ST6GALNAC5: variants seen among roughly 807,000 people sequenced by gnomAD.
ST6GALNAC5 encodes alpha-N-acetylgalactosaminide alpha-2,6-sialyltransferase 5.
In ST6GALNAC5, 27 loss-of-function variants were observed where a neutral mutation model predicts 33.6. The observed-to-expected ratio is 0.80, with a 90% CI of 0.59 to 1.11. The LOEUF (loss-of-function observed/expected upper bound fraction) is 1.11. Ranked by LOEUF, ST6GALNAC5 falls within the 50% of genes least tolerant of loss-of-function variation. The pLI is 0.00. For missense variants in ST6GALNAC5, 428 were observed against 454.0 expected (o/e 0.94, Z 0.52); for synonymous variants, 194 against 171.2 (o/e 1.13, Z -1.04).
chr1:77,022,354 T>C (rs1176766724), intron 2 of ST6GALNAC5, among the ~76,000 whole-genome samples: 2 of 152,176 alleles, frequency 1.3e-5, no homozygotes, highest in Non-Finnish European at 2.9e-5. Context: ...AAGTATTTTG[T>C]GAAAAGTTTT....
intron 2 of ST6GALNAC5, among the ~76,000 whole-genome samples, chr1:76,885,238 G>A (rs775591306): frequency 7.9e-5 from 12 of 151,926 alleles, no homozygotes; most frequent in Non-Finnish European, 1.2e-4. Context: ...ATAACATGTC[G>A]AAAAGAAATA....
chr1:76,870,274 T>C (rs1234883521), intron 2 of ST6GALNAC5, among the ~76,000 whole-genome samples: 1 of 152,208 alleles, frequency 6.6e-6, no homozygotes, highest in Non-Finnish European at 1.5e-5. Flanking sequence ...TGACTGTAGA[T>C]GGCTGTGGTG....
intron 2 of ST6GALNAC5, among the ~76,000 whole-genome samples, chr1:76,896,508 G>A (rs1327447894): frequency 6.6e-6 from 1 of 152,186 alleles, no homozygotes. Context: ...TTGGTGGTGT[G>A]TGGCGATTAG....
intron 2 of ST6GALNAC5, among the ~76,000 whole-genome samples, chr1:76,974,081 A>G (rs1401852952): frequency 6.6e-6 from 1 of 152,126 alleles, no homozygotes; most frequent in Non-Finnish European, 1.5e-5. Flanking sequence ...GCCATGTGCC[A>G]TACTGGTGTT....
Position 77,063,012 on chromosome 1 carries a change from GA to G in ST6GALNAC5, c.819del (p.Glu273AspfsTer55). 9.3e-6 allele frequency: 15 copies of G among 1,613,770 alleles called. No individual in the cohort carries two copies. The highest frequency in any genetic ancestry group is 1.3e-5 in the Non-Finnish European group (15 of 1,179,850). Reference protein sequence around the residue: ...NHPSVPYHYYEPFGPDECTMY... With the variant: ...NHPSVPYHYYXPFGPDECTMY... ...CCCTTCAGTACCTTATCATTATTAT[GA>G]ACCTTTTGGACCTGATGAATGTACA... On this transcript the variant is annotated frameshift_variant, in exon 5 of 5. Transcript: ENST00000477717. LOFTEE classifies it high-confidence loss of function.
At chr1:76,909,992 T>C (rs1483181338) in intron 2 of ST6GALNAC5, among the ~76,000 whole-genome samples, 1 of 152,058 alleles carries the variant, frequency 6.6e-6, no homozygotes, top group African/African-American at 2.4e-5. Context: ...ATAATATGCT[T>C]AGGAAAGTCA....
chr1:76,998,225 A>G (rs1206470048), intron 2 of ST6GALNAC5, among the ~76,000 whole-genome samples: 3 of 152,044 alleles, frequency 2.0e-5, no homozygotes, highest in Admixed American at 6.6e-5. Flanking sequence ...CTGAAAACAT[A>G]CCCAAAAAAT....
At position 77,043,288 on chromosome 1, in the gene ST6GALNAC5, G is replaced by A. The variant is rs117409299; in HGVS notation, c.262-916G>A. ...AATATTGCTCATTAAACATGAACACGGGAATGTTTAATTTGTTAGGACGTA... is the reference window on the plus strand; with the variant it reads ...AATATTGCTCATTAAACATGAACACAGGAATGTTTAATTTGTTAGGACGTA... On this transcript the variant is annotated intron_variant, in intron 2 of 4. Coordinates refer to ENST00000477717, the MANE Select transcript of ST6GALNAC5 (RefSeq NM_030965.3). 1.4e-4 allele frequency among the ~76,000 whole-genome samples: 21 copies of A among 152,298 alleles called. No individual in the cohort carries two copies. In the East Asian group the frequency reaches 3.7e-3, roughly 27 times the overall value.
chr1:76,875,687 T>C (rs1467568024), intron 2 of ST6GALNAC5, among the ~76,000 whole-genome samples: 1 of 152,146 alleles, frequency 6.6e-6, no homozygotes, highest in Non-Finnish European at 1.5e-5. Context: ...CTAGGGGTGA[T>C]GGTGAGTGGT....
chr1:76,875,243 G>T (rs899469552), intron 2 of ST6GALNAC5, among the ~76,000 whole-genome samples: 4 of 151,966 alleles, frequency 2.6e-5, no homozygotes, highest in African/African-American at 7.3e-5. Flanking sequence ...GCAGGTCATG[G>T]TTTTTTTTCC....
At chr1:77,029,565 A>G (rs1651373536) in intron 2 of ST6GALNAC5, among the ~76,000 whole-genome samples, 1 of 152,184 alleles carries the variant, frequency 6.6e-6, no homozygotes, top group Non-Finnish European at 1.5e-5. Context: ...CTCTCCCTAG[A>G]GGCATGGGGA....
At chr1:76,980,579 CA>C (rs1452608013) in intron 2 of ST6GALNAC5, among the ~76,000 whole-genome samples, 12 of 151,982 alleles carry the variant, frequency 7.9e-5, no homozygotes, top group African/African-American at 2.9e-4. Flanking sequence ...CTGGATGTGT[CA>C]AAAACAGAAA....
intron 2 of ST6GALNAC5, among the ~76,000 whole-genome samples, chr1:76,895,867 CAGG>C (rs1159636075): frequency 6.6e-6 from 1 of 152,186 alleles, no homozygotes; most frequent in Non-Finnish European, 1.5e-5. Flanking sequence ...ACCGTCTGTA[CAGG>C]AGCTCAAATG....
At chr1:76,998,401 A>G (rs1205860345) in intron 2 of ST6GALNAC5, among the ~76,000 whole-genome samples, 4 of 152,156 alleles carry the variant, frequency 2.6e-5, no homozygotes, top group African/African-American at 7.2e-5. Flanking sequence ...GTCTCTAAAA[A>G]AGTGAAATTA....
At chr1:76,946,166 GA>G (rs966949872) in intron 2 of ST6GALNAC5, among the ~76,000 whole-genome samples, 1 of 151,454 alleles carries the variant, frequency 6.6e-6, no homozygotes, top group Non-Finnish European at 1.5e-5. Flanking sequence ...CCTACCATAT[GA>G]AAAAAAAGAC....
At chr1:76,903,718 G>A (rs896284347) in intron 2 of ST6GALNAC5, among the ~76,000 whole-genome samples, 3 of 152,260 alleles carry the variant, frequency 2.0e-5, no homozygotes, top group Admixed American at 6.5e-5. Flanking sequence ...TTGGCCATAA[G>A]AAGCAATGAA....
At chr1:76,967,861 G>T (rs537151485) in intron 2 of ST6GALNAC5, among the ~76,000 whole-genome samples, 1 of 152,260 alleles carries the variant, frequency 6.6e-6, no homozygotes, top group Non-Finnish European at 1.5e-5. Context: ...TTCAGGAGCA[G>T]GTTGTTCAGT....
chr1:77,017,233 G>A (rs959080179), intron 2 of ST6GALNAC5, among the ~76,000 whole-genome samples: 1 of 151,696 alleles, frequency 6.6e-6, no homozygotes, highest in Non-Finnish European at 1.5e-5. Flanking sequence ...CTTCTAGTGA[G>A]TGCATCTGAC....
chr1:77,005,358 T>C (rs145753155), intron 2 of ST6GALNAC5, among the ~76,000 whole-genome samples: 11,616 of 152,168 alleles, frequency 0.076, 951 homozygotes, highest in African/African-American at 0.21. Flanking sequence ...TCGCGCACGG[T>C]GCGCACACCC....
Sources: gnomAD v4.1 joint callset for allele counts (sites outside exome capture counted in the v4.1 genomes callset) on GRCh38, gnomAD v4.1.1 for gene constraint, MANE v1.5 for transcripts, NCBI Gene and HGNC (gene_info 2026-07-23, HGNC 2026-07-21) for gene names.